Variants in ECPAS observed in about 807,000 individuals in gnomAD.
The protein encoded by ECPAS is proteasome adapter and scaffold protein ECM29.
In ECPAS, 70 loss-of-function variants were observed where a neutral mutation model predicts 255.1. The ratio of observed to expected loss-of-function variants is 0.27; its 90% CI spans 0.23 to 0.33. ECPAS has a LOEUF of 0.33. Among genes scored for constraint, ECPAS ranks in the 10% least tolerant of loss-of-function variants. The pLI is 1.00. For synonymous variants in ECPAS, 784 were observed against 775.0 expected (o/e 1.01, Z -0.19); for missense variants, 1,817 against 2,206.4 (o/e 0.82, Z 3.54).
chr9:111,393,513 T>G (rs1279626447), intron 27 of ECPAS, among the ~76,000 whole-genome samples, 167 bp downstream of exon 27: 1 of 152,206 alleles, frequency 6.6e-6, no homozygotes, highest in African/African-American at 2.4e-5. Flanking sequence ...AAATTTTGGT[T>G]TCTAAACATT....
intron 35 of ECPAS, among the ~76,000 whole-genome samples, chr9:111,381,994 G>A (rs556334668): frequency 6.3e-5 from 9 of 143,782 alleles, no homozygotes; most frequent in East Asian, 2.2e-4. Flanking sequence ...CTGAGTTCAC[G>A]TTCAATTTTG....
chr9:111,391,281 T>A (rs138784457), intron 29 of ECPAS, among the ~76,000 whole-genome samples: 25 of 152,252 alleles, frequency 1.6e-4, no homozygotes, highest in Middle Eastern at 6.8e-3. Context: ...GGACACTCAA[T>A]TTAAGACGTC....
intron 2 of ECPAS, among the ~76,000 whole-genome samples, chr9:111,464,729 T>C (rs2098277273): frequency 6.6e-6 from 1 of 151,572 alleles, no homozygotes; most frequent in Middle Eastern, 3.4e-3. Flanking sequence ...ACACAAAACA[T>C]ATTGGGTACG....
chr9:111,460,489 A>G (rs948167301), intron 2 of ECPAS, among the ~76,000 whole-genome samples: 1 of 152,208 alleles, frequency 6.6e-6, no homozygotes, highest in Non-Finnish European at 1.5e-5. Context: ...ATTCAGAGCA[A>G]TAAGACAAAG....
chr9:111,388,218 T>C lies in ECPAS; in HGVS notation c.3447+1338A>G, dbSNP rs142631472. ...AATAACAAACTGATGTCTTCCTATG[T>C]CTGCTTCTCTCAACATTCTCCATGG... On this transcript the variant is annotated intron_variant, in intron 31 of 49. Coordinates refer to ENST00000684092, the MANE Select transcript of ECPAS (RefSeq NM_001364929.1). Among the ~76,000 whole-genome samples the C allele has an allele frequency of 8.2e-4, 124 of 151,624 alleles. 2 individuals carry two copies. In the Middle Eastern group the frequency reaches 0.024, roughly 29 times the overall value.
At chr9:111,398,161 G>A (rs765736323) in intron 24 of ECPAS, among the ~76,000 whole-genome samples, 30 of 152,164 alleles carry the variant, frequency 2.0e-4, no homozygotes, top group Admixed American at 1.1e-3. Context: ...ATCAACAAAC[G>A]CTCTAGTTGT....
At chr9:111,444,904 C>G (rs1003206713) in intron 3 of ECPAS, among the ~76,000 whole-genome samples, 4 of 151,556 alleles carry the variant, frequency 2.6e-5, no homozygotes, top group Non-Finnish European at 5.9e-5. Flanking sequence ...CCATGTTGGC[C>G]AGGCTGGTCT....
At chr9:111,448,652 A>AT (rs2098256403) in intron 3 of ECPAS, among the ~76,000 whole-genome samples, 1 of 152,256 alleles carries the variant, frequency 6.6e-6, no homozygotes, top group Non-Finnish European at 1.5e-5. Flanking sequence ...TGAGCTCCAT[A>AT]TTCCACAAAC....
At chr9:111,431,458 T>C (rs1251517626) in intron 8 of ECPAS, among the ~76,000 whole-genome samples, 1 of 150,868 alleles carries the variant, frequency 6.6e-6, no homozygotes, top group Non-Finnish European at 1.5e-5. Context: ...CTCAGGAGGC[T>C]GAGGCACGAG....
rs1394567764 is a variant in ECPAS at position 111,417,975 on chromosome 9, C to T, written c.1591G>A (p.Val531Ile). ...REEVHGEAQR[V>I]LRCLPGRNRK... The stretch of plus-strand genomic sequence containing the variant: ...TTTCTACCTGGAAGACACCTTAATA[C>T]GCGTTGTGCTTCTCCATGAACTTCT... The change falls in exon 17 of 50, where the codon GTA becomes ATA. Residue 531 changes from valine (V) to isoleucine (I), a missense_variant. By Grantham distance (29) the Val-to-Ile change is conservative. Transcript: ENST00000684092. 1.2e-5 allele frequency: 19 copies of T among 1,606,160 alleles called. No homozygotes were observed. The highest frequency in any genetic ancestry group is 1.1e-5 in the Non-Finnish European group (13 of 1,176,674).
chr9:111,397,350 A>G (rs1215344101), intron 24 of ECPAS, among the ~76,000 whole-genome samples, 197 bp from the exon 25 acceptor site: 1 of 152,206 alleles, frequency 6.6e-6, no homozygotes, highest in Non-Finnish European at 1.5e-5. Context: ...TCCCTTGAAG[A>G]TATTTTTCAA....
At chr9:111,414,070 C>T (rs546591291) in intron 19 of ECPAS, 84 bp from the exon 20 acceptor site, 102 of 844,644 alleles carry the variant, frequency 1.2e-4, no homozygotes, top group Admixed American at 3.0e-4. Context: ...AAGTATAAGG[C>T]CACTGCTTTA....
At chr9:111,363,440 C>T (rs2098116407) in intron 49 of ECPAS, 148 bp downstream of exon 49, 1 of 437,648 alleles carries the variant, frequency 2.3e-6, no homozygotes, top group African/African-American at 2.1e-5. Context: ...ATAGTTTTGG[C>T]TTTGTCCATT....
intron 1 of ECPAS, among the ~76,000 whole-genome samples, chr9:111,478,013 C>A (rs1337372062): frequency 6.6e-6 from 1 of 151,650 alleles, no homozygotes; most frequent in Non-Finnish European, 1.5e-5. Context: ...CCATCCTCCC[C>A]ACTCAGCCTC....
rs566807829 is a variant in ECPAS at position 111,386,514 on chromosome 9, T to A, written c.3448-58A>T. On this transcript the variant is annotated intron_variant, in intron 31 of 49. Coordinates refer to ENST00000684092, the MANE Select transcript of ECPAS (RefSeq NM_001364929.1). ...CAAAATCCATCAATAATCAAATTAC[T>A]CAACTCTTAACCACACTGGTTAACC... is the stretch of plus-strand genomic sequence containing the variant. 35 of 1,012,368 alleles carry A rather than the reference T, an allele frequency of 3.5e-5. No individual in the cohort carries two copies. In the African/African-American group the frequency reaches 4.5e-4, roughly 13 times the overall value. 62.7% of individuals were successfully genotyped at this position (1,012,368 alleles called of 1,614,324 possible). A position where few individuals can be genotyped will look rare whatever the true frequency, so the allele number is the denominator to read the frequency against.
chr9:111,472,235 G>A (rs764682696), intron 2 of ECPAS, among the ~76,000 whole-genome samples: 6 of 151,432 alleles, frequency 4.0e-5, no homozygotes, highest in Non-Finnish European at 7.4e-5. Flanking sequence ...GTGACACAGC[G>A]AGACCCTGTC....
rs1157458216 is a variant in ECPAS at position 111,369,126 on chromosome 9, C to G, written c.5022G>C (p.Glu1674Asp). 1.2e-5 allele frequency: 20 copies of G among 1,607,702 alleles called. No homozygotes were observed. Among genetic ancestry groups the G allele is most frequent in the Admixed American group, 1.7e-5 (1 of 58,686 alleles). ...SGVRTTKNEE[E>D]NEKEKELQLE... is the part of the protein sequence containing the mutation. ...GCTGGAGCTCCTTTTCCTTTTCATT[C>G]TCCTCTTCATTTTTGGTTGTCCGGA... is the stretch of plus-strand genomic sequence containing the variant. Residue 1674 changes from glutamate (E) to aspartate (D), a missense_variant, in exon 46 of 50, where the codon GAG becomes GAC. By Grantham distance (45) the Glu-to-Asp change is conservative (BLOSUM62 2). Transcript: ENST00000684092.
At chr9:111,448,195 A>G (rs1206805666) in intron 3 of ECPAS, among the ~76,000 whole-genome samples, 1 of 152,162 alleles carries the variant, frequency 6.6e-6, no homozygotes, top group Non-Finnish European at 1.5e-5. Context: ...AAACTTTAAA[A>G]ATAGGTTAAT....
Position 111,361,748 on chromosome 9 carries a change from A to AT in ECPAS, c.*281_*282insA, listed in dbSNP as rs1443862214. ...AACTCTGTCTATTAATTCCTTTAATAACAGCTTGAACTCTTTTAGTAACTA... is the reference window on the plus strand; with the variant it reads ...AACTCTGTCTATTAATTCCTTTAATATACAGCTTGAACTCTTTTAGTAACTA... On this transcript the variant is annotated 3_prime_UTR_variant, in exon 50 of 50. Coordinates refer to ENST00000684092, the MANE Select transcript of ECPAS (RefSeq NM_001364929.1). 1 of 240,400 alleles carries AT rather than the reference A, an allele frequency of 4.2e-6. No individual in the cohort carries two copies. Among genetic ancestry groups the AT allele is most frequent in the African/African-American group, 2.2e-5 (1 of 44,460 alleles). The allele number at this position is 240,400 out of a possible 1,614,324, so 14.9% of individuals were successfully genotyped here. A position where few individuals can be genotyped will look rare whatever the true frequency, so the allele number is the denominator to read the frequency against.
Sources: gnomAD v4.1 joint callset for allele counts (sites outside exome capture counted in the v4.1 genomes callset) on GRCh38, gnomAD v4.1.1 for gene constraint, MANE v1.5 for transcripts, NCBI Gene and HGNC (gene_info 2026-07-23, HGNC 2026-07-21) for gene names.